Variants in ASAP1 observed in about 807,000 individuals in gnomAD.
The protein encoded by ASAP1 is arf-GAP with SH3 domain, ANK repeat and PH domain-containing protein 1.
In ASAP1, 43 loss-of-function variants were observed where a neutral mutation model predicts 145.2. The ratio of observed to expected loss-of-function variants is 0.30; its 90% CI spans 0.23 to 0.38. ASAP1 has a LOEUF of 0.38. ASAP1 is among the 10% of genes least tolerant of loss of function. The probability of loss-of-function intolerance (pLI) is 1.00; values close to 1 mark genes in which losing one functional copy is unlikely to be tolerated. For missense variants in ASAP1, 1,018 were observed against 1,355.3 expected, an observed-to-expected ratio of 0.75 and a Z score of 3.91; for synonymous variants, 546 against 515.5, an observed-to-expected ratio of 1.06 and a Z score of -0.80.
intron 7 of ASAP1, among the ~76,000 whole-genome samples, chr8:130,181,289 T>C (rs761799922): frequency 7.9e-5 from 12 of 152,226 alleles, no homozygotes; most frequent in Non-Finnish European, 1.5e-4. Flanking sequence ...CTCTTACATT[T>C]TTCCTTTGAT....
chr8:130,138,157 T>A (rs1032976981), intron 13 of ASAP1, among the ~76,000 whole-genome samples: 3 of 152,150 alleles, frequency 2.0e-5, no homozygotes, highest in African/African-American at 7.2e-5. Context: ...TGGCATACAA[T>A]CAAGACACCT....
At chr8:130,107,711 T>A (rs115479139) in intron 24 of ASAP1, among the ~76,000 whole-genome samples, 2,426 of 151,872 alleles carry the variant, frequency 0.016, 37 homozygotes, top group East Asian at 0.066. Context: ...CCAAGCCTGG[T>A]TAATTCTGTG....
chr8:130,268,160 T>C (rs550092415), intron 3 of ASAP1, among the ~76,000 whole-genome samples: 5 of 152,258 alleles, frequency 3.3e-5, no homozygotes, highest in African/African-American at 1.2e-4. Flanking sequence ...GGAACATCTC[T>C]ATATGATGAT....
intron 2 of ASAP1, among the ~76,000 whole-genome samples, chr8:130,371,252 G>A (rs917420157): frequency 2.0e-5 from 3 of 152,192 alleles, no homozygotes; most frequent in African/African-American, 7.2e-5. Context: ...ACTCAGAGAG[G>A]TTAAGTGCTA....
rs573839189 is a variant in ASAP1 at position 130,435,070 on chromosome 8, T to C, written c.-28+8390A>G. ...CGGCCTTGAAGACAAGACTGACCCC[T>C]TACCCCTCCGAGGCTCCTACACTTC... On this transcript the variant is annotated intron_variant, in intron 1 of 29. Transcript: ENST00000518721. Among the ~76,000 whole-genome samples the C allele has an allele frequency of 1.8e-4, 27 of 152,186 alleles. No individual in the cohort carries two copies. In the East Asian group the frequency reaches 3.3e-3, roughly 19 times the overall value.
At chr8:130,146,634 C>G (rs1317325437) in intron 13 of ASAP1, among the ~76,000 whole-genome samples, 1 of 152,160 alleles carries the variant, frequency 6.6e-6, no homozygotes, top group Non-Finnish European at 1.5e-5. Flanking sequence ...AGAGAGCAAT[C>G]CATTTTGCAG....
chr8:130,101,014 C>T (rs1009565411), intron 24 of ASAP1, among the ~76,000 whole-genome samples: 1 of 152,166 alleles, frequency 6.6e-6, no homozygotes, highest in African/African-American at 2.4e-5. Context: ...AGATACCCAG[C>T]TTTCTCAGCA....
At chr8:130,397,331 G>T (rs1463762757) in intron 2 of ASAP1, among the ~76,000 whole-genome samples, 1 of 152,180 alleles carries the variant, frequency 6.6e-6, no homozygotes, top group African/African-American at 2.4e-5. Flanking sequence ...AGTAGAGACA[G>T]GGTTTCGCCA....
At chr8:130,231,182 T>C (rs549196671) in intron 4 of ASAP1, among the ~76,000 whole-genome samples, 1 of 152,276 alleles carries the variant, frequency 6.6e-6, no homozygotes, top group South Asian at 2.1e-4. Context: ...TTTTTTGCCT[T>C]AAAAAACACA....
intron 25 of ASAP1, 54 bp downstream of exon 25, chr8:130,091,919 C>A: frequency 4.8e-6 from 7 of 1,468,214 alleles, no homozygotes; most frequent in Non-Finnish European, 6.3e-6. Context: ...CCCAGTGGAG[C>A]CCCACACGCT....
intron 2 of ASAP1, among the ~76,000 whole-genome samples, chr8:130,385,099 C>G (rs186830563): frequency 6.6e-6 from 1 of 152,322 alleles, no homozygotes; most frequent in East Asian, 1.9e-4. Flanking sequence ...TTCTACTACA[C>G]AGACATGGCC....
chr8:130,403,781 T>C (rs548857514), intron 1 of ASAP1, among the ~76,000 whole-genome samples: 6 of 152,236 alleles, frequency 3.9e-5, no homozygotes, highest in African/African-American at 1.2e-4. Context: ...CTCGAACTCC[T>C]GACCTCAGGT....
chr8:130,341,093 A>T (rs936008312), intron 3 of ASAP1, among the ~76,000 whole-genome samples: 1 of 152,170 alleles, frequency 6.6e-6, no homozygotes, highest in African/African-American at 2.4e-5. Context: ...GATCAAATTA[A>T]GTCACTAAGT....
chr8:130,188,143 G>C lies in ASAP1; in HGVS notation c.446C>G (p.Ser149Cys). The change falls in exon 6 of 30, where the codon TCT becomes TGT. Residue 149 changes from serine (S) to cysteine (C), a missense_variant. By Grantham distance (112) the Ser-to-Cys change is moderately radical. Coordinates refer to ENST00000518721, the MANE Select transcript of ASAP1 (RefSeq NM_018482.4). ...LSHNVIFTLD[S>C]LLKGDLKGVK... The stretch of plus-strand genomic sequence containing the variant: ...TCCCTTTAGGTCTCCTTTTAACAAA[G>C]AATCCAAGGTGAAGATCACATTGTG... The C allele has an allele frequency of 6.2e-7, 1 of 1,613,756 alleles. No individual in the cohort carries two copies. Among genetic ancestry groups the C allele is most frequent in the South Asian group, 1.1e-5 (1 of 91,062 alleles).
At chr8:130,273,264 A>G (rs57198371) in intron 3 of ASAP1, among the ~76,000 whole-genome samples, 28,102 of 151,950 alleles carry the variant, frequency 0.18, 3,278 homozygotes, top group East Asian at 0.44. Context: ...CTTAAATCTA[A>G]TATGAAGAAA....
Position 130,054,836 on chromosome 8 carries a change from G to C in ASAP1, c.3316-31C>G, listed in dbSNP as rs2097400171. 1.9e-6 allele frequency: 3 copies of C among 1,589,810 alleles called. No individual in the cohort carries two copies. The East Asian group carries it at 6.7e-5, about 36-fold the overall frequency. Reference sequence around the variant, plus strand: ...GGGAGAAAAGAGAGTGGTCAGGATGGAGGCAGCAGGCAGTGGCCCCACGAC... The same window carrying C: ...GGGAGAAAAGAGAGTGGTCAGGATGCAGGCAGCAGGCAGTGGCCCCACGAC... On this transcript the variant is annotated intron_variant, in intron 29 of 29. Coordinates refer to ENST00000518721, the MANE Select transcript of ASAP1 (RefSeq NM_018482.4).
At chr8:130,403,331 C>T (rs1352592086) in intron 1 of ASAP1, among the ~76,000 whole-genome samples, 1 of 151,636 alleles carries the variant, frequency 6.6e-6, no homozygotes, top group Non-Finnish European at 1.5e-5. Context: ...AAGACTGACA[C>T]TTAACAATTG....
chr8:130,264,112 T>C (rs573515006), intron 3 of ASAP1, among the ~76,000 whole-genome samples: 1 of 152,194 alleles, frequency 6.6e-6, no homozygotes, highest in East Asian at 1.9e-4. Flanking sequence ...ACAACACACA[T>C]GTCTTTCTTG....
At chr8:130,190,512 CA>C (rs1815066162) in intron 5 of ASAP1, among the ~76,000 whole-genome samples, 1 of 151,846 alleles carries the variant, frequency 6.6e-6, no homozygotes, top group African/African-American at 2.4e-5. Flanking sequence ...CTGATTTATG[CA>C]TTTATTTTTA....
Sources: allele counts gnomAD v4.1 joint callset (sites outside exome capture counted in the v4.1 genomes callset), GRCh38; gene constraint gnomAD v4.1.1; transcripts MANE v1.5; gene names NCBI Gene and HGNC (gene_info 2026-07-23, HGNC 2026-07-21).